The following HEPHL1 variants were observed in gnomAD, a reference collection of about 807,000 sequenced individuals.
HEPHL1 encodes the protein hephaestin like 1.
HEPHL1 carries 123 observed loss-of-function variants against 122.0 expected under a neutral mutation model. The ratio of observed to expected loss-of-function variants is 1.01; its 90% CI spans 0.87 to 1.17. The LOEUF (loss-of-function observed/expected upper bound fraction) is 1.17. HEPHL1 is among the 50% of genes most tolerant of loss of function. HEPHL1 has a pLI of 0.00. For missense variants in HEPHL1, 1,452 were observed against 1,430.5 expected, an observed-to-expected ratio of 1.01 and a Z score of -0.24; for synonymous variants, 527 against 508.9, an observed-to-expected ratio of 1.04 and a Z score of -0.48.
intron 1 of HEPHL1, among the ~76,000 whole-genome samples, chr11:94,023,357 C>A (rs1945597281): frequency 6.6e-6 from 1 of 152,176 alleles, no homozygotes; most frequent in Non-Finnish European, 1.5e-5. Flanking sequence ...TTCCTAGAAG[C>A]ATATTGAAAG....
rs114616983 is a variant in HEPHL1 at position 94,078,808 on chromosome 11, A to G, written c.1716+3423A>G. 5.7e-3 allele frequency among the ~76,000 whole-genome samples: 864 copies of G among 152,230 alleles called. 10 individuals are homozygous for G. Among genetic ancestry groups the G allele is most frequent in the African/African-American group, 0.02 (834 of 41,544 alleles). On this transcript the variant is annotated intron_variant, in intron 9 of 19. Transcript: ENST00000315765. ...GGGGTACACTCATGTCGGGAAGTAC[A>G]ATCAGTTTTATTCAGTCTACTGATT...
rs142446111 is a variant in HEPHL1, at chr11:94,049,373, A to G, written c.415+3456A>G. 2.7e-3 allele frequency among the ~76,000 whole-genome samples: 413 copies of G among 152,178 alleles called. 5 individuals are homozygous for G. Among genetic ancestry groups the G allele is most frequent in the African/African-American group, 9.8e-3 (405 of 41,488 alleles). On this transcript the variant is annotated intron_variant, in intron 2 of 19. Transcript: ENST00000315765. ...AGATACTGGCAAAGACACAAAGAAA[A>G]GAGAATACTTATACACTCTTGGTGG...
Position 94,088,655 on chromosome 11 carries a change from C to T in HEPHL1, c.2081-100C>T, listed in dbSNP as rs559340273. ...ACTGGTATTTTAAAAATCCACCTAA[C>T]TGGTTATTTTGTAATAAAATATGCA... is the stretch of plus-strand genomic sequence containing the variant. On this transcript the variant is annotated intron_variant, in intron 11 of 19. Transcript: ENST00000315765. The T allele has an allele frequency of 2.4e-4, 210 of 889,958 alleles. 2 individuals are homozygous for T. In the South Asian group the frequency reaches 3.5e-3, roughly 15 times the overall value. 55.1% of individuals were successfully genotyped at this position (889,958 alleles called of 1,614,324 possible).
intron 17 of HEPHL1, among the ~76,000 whole-genome samples, chr11:94,110,405 C>A (rs746405602): frequency 6.6e-6 from 1 of 152,134 alleles, no homozygotes. Context: ...GCTGGAGGAT[C>A]CACTTCCAAA....
chr11:94,052,248 A>T (rs1013518498), intron 2 of HEPHL1, among the ~76,000 whole-genome samples: 2 of 152,136 alleles, frequency 1.3e-5, no homozygotes, highest in African/African-American at 2.4e-5. Flanking sequence ...CTTCCAATCC[A>T]TGAACATGAA....
chr11:94,047,648 C>T (rs937364205), intron 2 of HEPHL1, among the ~76,000 whole-genome samples: 1 of 152,072 alleles, frequency 6.6e-6, no homozygotes. Flanking sequence ...CTTATTTATG[C>T]TGCACGTAGC....
chr11:94,111,649 C>A, intron 19 of HEPHL1, 43 bp from the exon 20 acceptor site: 1 of 1,608,908 alleles, frequency 6.2e-7, no homozygotes, highest in Non-Finnish European at 8.5e-7. Flanking sequence ...ACATTTCACC[C>A]CTCAAAAATG....
Position 94,088,884 on chromosome 11 carries a change from T to C in HEPHL1, c.2210T>C (p.Ile737Thr). 3 of 1,613,932 alleles carry C rather than the reference T, an allele frequency of 1.9e-6. No individual in the cohort carries two copies. The highest frequency in any genetic ancestry group is 2.5e-6 in the Non-Finnish European group (3 of 1,179,888). The change falls in exon 12 of 20, where the codon ATC becomes ACC. Residue 737 changes from isoleucine (I) to threonine (T), a missense_variant. Coordinates refer to ENST00000315765, the MANE Select transcript of HEPHL1 (RefSeq NM_001098672.2). ...TACGGGATGATAAGAACTTTTTACA[T>C]CGCCGCTGAAGAAGTAGAATGGGAT... Reference protein sequence around the residue: ...QRYGMIRTFYIAAEEVEWDYA... With the variant: ...QRYGMIRTFYTAAEEVEWDYA...
intron 2 of HEPHL1, among the ~76,000 whole-genome samples, chr11:94,048,026 T>G (rs1213599036): frequency 6.6e-6 from 1 of 152,178 alleles, no homozygotes; most frequent in Non-Finnish European, 1.5e-5. Flanking sequence ...TCAATACCTC[T>G]CCATTCCTCC....
At chr11:94,054,663 G>A (rs1366635124) in intron 2 of HEPHL1, among the ~76,000 whole-genome samples, 2 of 152,206 alleles carry the variant, frequency 1.3e-5, no homozygotes, top group African/African-American at 4.8e-5. Context: ...GGCTACATGT[G>A]TACTCAGGCT....
At chr11:94,093,706 T>TTCTG in intron 13 of HEPHL1, 66 bp downstream of exon 13, 1 of 1,536,134 alleles carries the variant, frequency 6.5e-7, no homozygotes, top group Non-Finnish European at 8.8e-7. Flanking sequence ...TACTCATGTG[T>TTCTG]TCTGTTACAC....
chr11:94,075,441 A>AAC (rs3060406), intron 9 of HEPHL1, 56 bp downstream of exon 9: 1,352,572 of 1,361,626 alleles, frequency 0.99, 672,294 homozygotes, highest in East Asian at 1. Flanking sequence ...AGAGATCCGC[A>AAC]AGAGCCAGAG....
chr11:94,030,906 C>T (rs1189616895), intron 1 of HEPHL1, among the ~76,000 whole-genome samples: 1 of 152,042 alleles, frequency 6.6e-6, no homozygotes, highest in African/African-American at 2.4e-5. Flanking sequence ...AGACTTCAGC[C>T]TCAATGCCTG....
chr11:94,042,882 A>AAAAAAAAAAAAAAC (rs1449884226), intron 1 of HEPHL1, among the ~76,000 whole-genome samples: 1 of 136,838 alleles, frequency 7.3e-6, no homozygotes, highest in Non-Finnish European at 1.6e-5. Context: ...TAATAAAAAA[A>AAAAAAAAAAAAAAC]AAAAAAAAAA....
intron 1 of HEPHL1, among the ~76,000 whole-genome samples, chr11:94,030,462 G>T (rs753221337): frequency 5.9e-5 from 9 of 152,080 alleles, no homozygotes; most frequent in Admixed American, 1.3e-4. Context: ...CTGGGTCCCA[G>T]GTTCCTTTTG....
intron 1 of HEPHL1, among the ~76,000 whole-genome samples, chr11:94,023,760 C>T (rs1945601182): frequency 6.6e-6 from 1 of 152,192 alleles, no homozygotes. Context: ...GTCAGACAGA[C>T]TGCTACCTCT....
At chr11:94,078,380 T>G (rs1356127792) in intron 9 of HEPHL1, among the ~76,000 whole-genome samples, 1 of 149,140 alleles carries the variant, frequency 6.7e-6, no homozygotes, top group Non-Finnish European at 1.5e-5. Flanking sequence ...GAGCCTACTA[T>G]GTACTAACAT....
chr11:94,040,036 G>A (rs1945761945), intron 1 of HEPHL1, among the ~76,000 whole-genome samples: 1 of 61,580 alleles, frequency 1.6e-5, no homozygotes, highest in African/African-American at 8.1e-5. Context: ...ATGATAAAGG[G>A]GATATCACCA....
At position 94,080,622 on chromosome 11, in the gene HEPHL1, T is replaced by C. The variant is rs545796501; in HGVS notation, c.1717-1796T>C. 2.0e-5 allele frequency among the ~76,000 whole-genome samples: 3 copies of C among 152,214 alleles called. No individual in the cohort carries two copies. The East Asian group carries it at 5.8e-4, about 29-fold the overall frequency. On this transcript the variant is annotated intron_variant, in intron 9 of 19. Transcript: ENST00000315765. ...AAAAGAAGAAAAACTCATTAAAAAG[T>C]GGGCAAAAGACGTGAACAGACACTT... is the stretch of plus-strand genomic sequence containing the variant.
Sources: allele counts gnomAD v4.1 joint callset (sites outside exome capture counted in the v4.1 genomes callset), GRCh38; gene constraint gnomAD v4.1.1; transcripts MANE v1.5; gene names NCBI Gene and HGNC (gene_info 2026-07-23, HGNC 2026-07-21).